The following LRRC49 variants were observed in gnomAD, a reference collection of about 807,000 sequenced individuals.
LRRC49 encodes leucine rich repeat containing 49.
In LRRC49, 50 loss-of-function variants were observed where a neutral mutation model predicts 83.3. The observed-to-expected ratio is 0.60, with a 90% confidence interval of 0.48 to 0.76. The LOEUF is 0.76. Ranked by LOEUF, LRRC49 falls within the 30% of genes least tolerant of loss-of-function variation. LRRC49 has a pLI of 0.00. For synonymous variants in LRRC49, 286 were observed against 283.3 expected (o/e 1.01, Z -0.10); for missense variants, 704 against 809.1 (o/e 0.87, Z 1.58).
At chr15:70,893,115 T>C (rs2033659478) in intron 1 of LRRC49, 173 bp downstream of exon 1, 1 of 689,580 alleles carries the variant, frequency 1.5e-6, no homozygotes, top group Non-Finnish European at 2.6e-6. Flanking sequence ...TTTAATATTG[T>C]ATGATGGGTA....
At chr15:70,982,108 T>C (rs995095622) in intron 10 of LRRC49, among the ~76,000 whole-genome samples, 4 of 152,158 alleles carry the variant, frequency 2.6e-5, no homozygotes, top group Admixed American at 2.0e-4. Flanking sequence ...ACTTTTGCAC[T>C]AATATAGGAA....
At chr15:70,969,662 A>C (rs1229945102) in intron 9 of LRRC49, among the ~76,000 whole-genome samples, 1 of 152,106 alleles carries the variant, frequency 6.6e-6, no homozygotes, top group African/African-American at 2.4e-5. Context: ...TTCCTTGAGC[A>C]GTGGTTTTTA....
At chr15:70,952,331 G>A (rs1326026752) in intron 8 of LRRC49, among the ~76,000 whole-genome samples, 2 of 151,874 alleles carry the variant, frequency 1.3e-5, no homozygotes, top group East Asian at 1.9e-4. Flanking sequence ...AATTTAGTAG[G>A]ATTGGCACTA....
chr15:71,048,753 T>C (rs2039932407), intron 15 of LRRC49: 1 of 455,204 alleles, frequency 2.2e-6, no homozygotes, highest in Non-Finnish European at 4.4e-6. Flanking sequence ...AATTCCTCTG[T>C]TGTGTTTAGG....
intron 1 of LRRC49, chr15:70,859,645 C>CT (rs1291921142): frequency 7.8e-6 from 5 of 644,712 alleles, no homozygotes; most frequent in African/African-American, 7.2e-5. Context: ...CCGAGATGAA[C>CT]TGGAACATCA....
intron 15 of LRRC49, 59 bp downstream of exon 15, chr15:71,037,391 A>T (rs1178919671): frequency 1.4e-6 from 2 of 1,392,654 alleles, no homozygotes; most frequent in African/African-American, 2.9e-5. Context: ...ATGGCTTGGA[A>T]TTTGGGGGTT....
At chr15:70,853,853 T>A in intron 1 of LRRC49, 2 of 1,226,042 alleles carry the variant, frequency 1.6e-6, no homozygotes, top group Non-Finnish European at 2.0e-6. Context: ...CGGCGCCCCC[T>A]CGGGGCCCAC....
chr15:70,861,223 C>T (rs1215519264), intron 1 of LRRC49, among the ~76,000 whole-genome samples: 1 of 151,914 alleles, frequency 6.6e-6, no homozygotes, highest in African/African-American at 2.4e-5. Context: ...CATGGAAGTA[C>T]CTAGTTCAGG....
intron 9 of LRRC49, among the ~76,000 whole-genome samples, chr15:70,967,132 A>G (rs182090344): frequency 7.7e-4 from 117 of 152,228 alleles, no homozygotes; most frequent in Middle Eastern, 3.4e-3. Context: ...ATGCAGAAGG[A>G]AGCTGAGAGA....
In LRRC49 at chr15:70,893,654, AG is replaced by A. The variant is rs767608504; in HGVS notation, c.105+16del. On this transcript the variant is annotated intron_variant, in intron 2 of 15. Transcript: ENST00000260382. ...GAAAAAAACAAAGTAAGATTTAAGA[AG>A]GTTGGCATTTAAATTGAAGATTGTT... 53 of 1,600,018 alleles carry A rather than the reference AG, an allele frequency of 3.3e-5. No individual in the cohort carries two copies. Among genetic ancestry groups the A allele is most frequent in the Non-Finnish European group, 4.5e-5 (53 of 1,168,362 alleles).
upstream of LRRC49, among the ~76,000 whole-genome samples, chr15:70,891,609 G>A (rs940061073): frequency 1.4e-5 from 2 of 138,420 alleles, no homozygotes; most frequent in African/African-American, 5.6e-5. Flanking sequence ...GTGTGTGTGT[G>A]TGTGTGTGTG....
At chr15:70,905,219 A>G (rs2034254616) in intron 5 of LRRC49, among the ~76,000 whole-genome samples, 2 of 152,160 alleles carry the variant, frequency 1.3e-5, no homozygotes, top group South Asian at 4.1e-4. Context: ...GAACTTTCCC[A>G]GTTCCTTTTA....
intron 14 of LRRC49, among the ~76,000 whole-genome samples, chr15:71,035,817 T>G (rs1383441963): frequency 6.6e-6 from 1 of 152,218 alleles, no homozygotes; most frequent in African/African-American, 2.4e-5. Flanking sequence ...TACATGTATA[T>G]GTTATAATAG....
At chr15:70,950,068 GT>G (rs1218512359) in intron 8 of LRRC49, among the ~76,000 whole-genome samples, 4 of 151,984 alleles carry the variant, frequency 2.6e-5, no homozygotes, top group African/African-American at 7.2e-5. Context: ...GCAATATTTG[GT>G]TTTCTGTTCT....
intron 8 of LRRC49, among the ~76,000 whole-genome samples, chr15:70,959,702 C>G (rs905739786): frequency 6.6e-6 from 1 of 151,980 alleles, no homozygotes; most frequent in East Asian, 1.9e-4. Flanking sequence ...AAATCCCAAT[C>G]AAAATCCCAT....
chr15:70,948,205 C>T (rs2036079656), intron 8 of LRRC49, among the ~76,000 whole-genome samples: 1 of 152,038 alleles, frequency 6.6e-6, no homozygotes, highest in Non-Finnish European at 1.5e-5. Context: ...GAGGTTCTTC[C>T]TTATTCCACA....
chr15:70,892,141 C>A (rs745472889), upstream of LRRC49: 1 of 1,613,518 alleles, frequency 6.2e-7, no homozygotes, highest in Non-Finnish European at 8.5e-7. Flanking sequence ...TGCCTCCGTA[C>A]CAGTCGGCGC....
chr15:71,008,727 G>A (rs1187654987), intron 12 of LRRC49, 111 bp downstream of exon 12: 7 of 717,582 alleles, frequency 9.8e-6, no homozygotes, highest in Non-Finnish European at 2.2e-6. Context: ...CTGGCAGGAA[G>A]ATTTAAGTTT....
chr15:71,019,647 G>A (rs890613973), intron 14 of LRRC49, among the ~76,000 whole-genome samples: 6 of 152,108 alleles, frequency 3.9e-5, no homozygotes, highest in Admixed American at 6.5e-5. Flanking sequence ...CCCCACTCAG[G>A]AATTTCCAAG....
Sources: allele counts gnomAD v4.1 joint callset (sites outside exome capture counted in the v4.1 genomes callset), GRCh38; gene constraint gnomAD v4.1.1; transcripts MANE v1.5; gene names NCBI Gene and HGNC (gene_info 2026-07-23, HGNC 2026-07-21).